The following PCSK2 variants were observed in gnomAD, a reference collection of about 807,000 sequenced individuals.
PCSK2 encodes proprotein convertase subtilisin/kexin type 2.
PCSK2 carries 14 observed loss-of-function variants against 69.7 expected under a neutral mutation model. That is an observed-to-expected ratio of 0.20 (90% confidence interval 0.13 to 0.31). The LOEUF (loss-of-function observed/expected upper bound fraction) is 0.31, where lower values mean the gene tolerates loss of function less well. PCSK2 is among the 10% of genes least tolerant of loss of function. The pLI, the probability that PCSK2 is intolerant of heterozygous loss-of-function variation, is 1.00. For synonymous variants in PCSK2, 307 were observed against 320.7 expected (o/e 0.96, Z 0.46); for missense variants, 544 against 842.5 (o/e 0.65, Z 4.39).
At position 17,453,578 on chromosome 20, in the gene PCSK2, C is replaced by T. The variant is rs547359513; in HGVS notation, c.886-164C>T. 2.7e-4 allele frequency among the ~76,000 whole-genome samples: 41 copies of T among 152,284 alleles called. No homozygotes were observed. Among genetic ancestry groups the T allele is most frequent in the Admixed American group, 4.6e-4 (7 of 15,294 alleles). On this transcript the variant is annotated intron_variant, in intron 8 of 11. Coordinates refer to ENST00000262545, the MANE Select transcript of PCSK2 (RefSeq NM_002594.5). This position sits in a 1 kb window ranked among gnomAD's most constrained non-coding sequence, Gnocchi z 4.0. ...TTCTTCCTGGAAAAAAAAAGTTTCC[C>T]ACAATGCCCTGCCAGAAGGATATGG...
chr20:17,454,191 C>T (rs1178220506), intron 9 of PCSK2, among the ~76,000 whole-genome samples: 1 of 152,170 alleles, frequency 6.6e-6, no homozygotes, highest in Non-Finnish European at 1.5e-5. Flanking sequence ...GGATCGTTTT[C>T]CATAGATTTT....
chr20:17,479,408 G>A (rs1020802016), intron 11 of PCSK2: 4 of 643,646 alleles, frequency 6.2e-6, no homozygotes, highest in Middle Eastern at 2.5e-4. Context: ...CAACCTCGTC[G>A]CAGTGGCGAT....
chr20:17,466,392 C>A (rs1264688544), intron 11 of PCSK2, among the ~76,000 whole-genome samples: 2 of 152,144 alleles, frequency 1.3e-5, no homozygotes. Flanking sequence ...GAAGAGTGTT[C>A]CAGTGTATGA....
intron 2 of PCSK2, among the ~76,000 whole-genome samples, chr20:17,323,052 A>C (rs993721091): frequency 6.6e-6 from 1 of 152,028 alleles, no homozygotes; most frequent in Non-Finnish European, 1.5e-5. Context: ...ATTAGTAGAG[A>C]TGGGGTTTCA....
intron 2 of PCSK2, among the ~76,000 whole-genome samples, chr20:17,261,302 A>C (rs1987375210): frequency 6.6e-6 from 1 of 152,194 alleles, no homozygotes; most frequent in Non-Finnish European, 1.5e-5. Context: ...TGAGTTAAGG[A>C]CTTTCACATG....
At chr20:17,309,777 C>A (rs1473333443) in intron 2 of PCSK2, among the ~76,000 whole-genome samples, 3 of 151,500 alleles carry the variant, frequency 2.0e-5, no homozygotes. Context: ...AATATCATGC[C>A]ACTATACTCC....
chr20:17,418,419 G>A (rs2032048826), intron 6 of PCSK2, among the ~76,000 whole-genome samples: 1 of 152,182 alleles, frequency 6.6e-6, no homozygotes, highest in South Asian at 2.1e-4. Context: ...GGCTGGCGGG[G>A]AGGTGCAGGA....
chr20:17,468,871 C>A (rs2033153821), intron 11 of PCSK2, among the ~76,000 whole-genome samples: 1 of 152,278 alleles, frequency 6.6e-6, no homozygotes, highest in South Asian at 2.1e-4. Flanking sequence ...GAGTGAGCAT[C>A]CTCATTGTTT....
chr20:17,243,165 T>C (rs927004680), intron 1 of PCSK2, among the ~76,000 whole-genome samples: 1 of 152,190 alleles, frequency 6.6e-6, no homozygotes, highest in Admixed American at 6.5e-5. Flanking sequence ...TCATGTACTC[T>C]ATATTTCATT....
At chr20:17,267,300 A>G (rs1987654311) in intron 2 of PCSK2, among the ~76,000 whole-genome samples, 2 of 152,220 alleles carry the variant, frequency 1.3e-5, no homozygotes, top group African/African-American at 4.8e-5. Flanking sequence ...ACATGCCAAG[A>G]GGTCAGCGGG....
intron 10 of PCSK2, among the ~76,000 whole-genome samples, chr20:17,460,913 A>T (rs2033004483): frequency 2.0e-5 from 3 of 152,136 alleles, no homozygotes; most frequent in African/African-American, 4.8e-5. Flanking sequence ...CCTGCAACAA[A>T]CCTATAAGGC....
At position 17,347,872 on chromosome 20, in the gene PCSK2, A is replaced by G. The variant is rs1222001123; in HGVS notation, c.283-10455A>G. Among the ~76,000 whole-genome samples, 228 of 88,810 alleles carry G rather than the reference A, an allele frequency of 2.6e-3. 13 individuals carry two copies. Among genetic ancestry groups the G allele is most frequent in the Middle Eastern group, 6.3e-3 (1 of 158 alleles). The allele number at this position is 88,810 out of a possible 152,430, so 58.3% of individuals were successfully genotyped here. Reference sequence around the variant, plus strand: ...AGAAAGAAAGAAAGAGGAGAGAGAAAAAAGAAAGAAAGAAAGAAAGAAAGA... The same window carrying G: ...AGAAAGAAAGAAAGAGGAGAGAGAAGAAAGAAAGAAAGAAAGAAAGAAAGA... On this transcript the variant is annotated intron_variant, in intron 2 of 11. Coordinates refer to ENST00000262545, the MANE Select transcript of PCSK2 (RefSeq NM_002594.5).
intron 2 of PCSK2, among the ~76,000 whole-genome samples, chr20:17,278,850 CTT>C (rs60536483): frequency 6.8e-6 from 1 of 146,730 alleles, no homozygotes. Flanking sequence ...CCTCTGTTGC[CTT>C]TTTTTTTTTA....
At chr20:17,440,615 C>CT (rs1006932541) in intron 8 of PCSK2, among the ~76,000 whole-genome samples, 3 of 152,182 alleles carry the variant, frequency 2.0e-5, no homozygotes, top group Non-Finnish European at 4.4e-5. Flanking sequence ...AATCCCAACA[C>CT]TTTGGGGGGC....
chr20:17,455,243 T>C lies in PCSK2; in HGVS notation c.1102-1105T>C, dbSNP rs746789492. Reference sequence around the variant, plus strand: ...CTGTGAGTACTATAATTTTGCTCAATAGATGCCCTTAAACCTCCCTGGTAA... The same window carrying C: ...CTGTGAGTACTATAATTTTGCTCAACAGATGCCCTTAAACCTCCCTGGTAA... On this transcript the variant is annotated intron_variant, in intron 9 of 11. Transcript: ENST00000262545. Among the ~76,000 whole-genome samples, 5 of 152,248 alleles carry C rather than the reference T, an allele frequency of 3.3e-5. No homozygotes were observed. In the South Asian group the frequency reaches 6.2e-4, roughly 19 times the overall value.
chr20:17,391,350 G>A (rs192711813), intron 5 of PCSK2, among the ~76,000 whole-genome samples: 2 of 152,202 alleles, frequency 1.3e-5, no homozygotes, highest in Admixed American at 1.3e-4. Flanking sequence ...TTTCGCTGCT[G>A]ACTTGAAACT....
At chr20:17,348,379 A>G (rs938808559) in intron 2 of PCSK2, among the ~76,000 whole-genome samples, 7 of 152,242 alleles carry the variant, frequency 4.6e-5, no homozygotes, top group Non-Finnish European at 1.0e-4. Flanking sequence ...GCCTTTCTAC[A>G]TTACAAAAAC....
At chr20:17,414,882 T>C (rs2031963686) in intron 6 of PCSK2, among the ~76,000 whole-genome samples, 1 of 152,188 alleles carries the variant, frequency 6.6e-6, no homozygotes, top group Non-Finnish European at 1.5e-5. Context: ...TGGTTCAACA[T>C]ATGCAAATCA....
rs574660035 is a variant in PCSK2, at chr20:17,267,841, A to G, written c.282+7497A>G. 6.6e-5 allele frequency among the ~76,000 whole-genome samples: 10 copies of G among 152,082 alleles called. No homozygotes were observed. In the South Asian group the frequency reaches 2.1e-3, roughly 32 times the overall value. On this transcript the variant is annotated intron_variant, in intron 2 of 11. Coordinates refer to ENST00000262545, the MANE Select transcript of PCSK2 (RefSeq NM_002594.5). The stretch of plus-strand genomic sequence containing the variant: ...GGTATAGAGAAAAGTTAACACAGAG[A>G]AAATTGGTGGCTCTGTATCGTCTTT...
Sources: gnomAD v4.1 joint callset for allele counts (sites outside exome capture counted in the v4.1 genomes callset) on GRCh38, gnomAD v4.1.1 for gene constraint, Gnocchi (gnomAD v3.1) non-coding constraint, MANE v1.5 for transcripts, NCBI Gene and HGNC (gene_info 2026-07-23, HGNC 2026-07-21) for gene names.